Variants in CPOX observed in about 807,000 individuals in gnomAD.
The protein encoded by CPOX is oxygen-dependent coproporphyrinogen-III oxidase, mitochondrial.
In CPOX, 24 loss-of-function variants were observed where a neutral mutation model predicts 48.9. The observed-to-expected ratio is 0.49, with a 90% CI of 0.36 to 0.69. The LOEUF (loss-of-function observed/expected upper bound fraction) is 0.69. Ranked by LOEUF, CPOX falls within the 30% of genes least tolerant of loss-of-function variation. CPOX has a pLI of 0.00. For missense variants in CPOX, 549 were observed against 597.3 expected (o/e 0.92, Z 0.84); for synonymous variants, 249 against 234.6 (o/e 1.06, Z -0.56).
At chr3:98,577,676 C>T (rs958632684), downstream of CPOX, among the ~76,000 whole-genome samples, 1 of 152,164 alleles carries the variant, frequency 6.6e-6, no homozygotes, top group Non-Finnish European at 1.5e-5. Context: ...AGTGACACTA[C>T]ATAACCTCAG....
rs748004210 is a variant in CPOX at position 98,590,733 on chromosome 3, G to A, written c.710C>T (p.Pro237Leu). The A allele has an allele frequency of 1.4e-5, 23 of 1,612,270 alleles. No homozygotes were observed. The highest frequency in any genetic ancestry group is 2.7e-5 in the African/African-American group (2 of 74,860). ...KVLKTKDGKLPFCAMGVSSVI... is the reference protein window; with the variant it reads ...KVLKTKDGKLLFCAMGVSSVI... ...AGAGCTCACGCCCATAGCACAAAAT[G>A]GCAATTTACCTGGAAAGTAAAATAT... Residue 237 changes from proline to leucine, a missense_variant, in exon 3 of 7, where the codon CCA (proline) becomes CTA (leucine). Pro to Leu is a moderately conservative substitution (Grantham distance 98). Around this residue, in one of 2 missense-constraint regions of CPOX, gnomAD observed 213 missense variants for 279.1 expected, o/e 0.76. Transcript: ENST00000647941.
intron 1 of CPOX, among the ~76,000 whole-genome samples, chr3:98,592,299 T>C (rs1372472719): frequency 6.6e-6 from 1 of 152,204 alleles, no homozygotes; most frequent in Non-Finnish European, 1.5e-5. Context: ...GGGGTTTCAC[T>C]GTATGGGCAA....
At chr3:98,575,204 A>G (rs1707141918), downstream of CPOX, among the ~76,000 whole-genome samples, 1 of 152,246 alleles carries the variant, frequency 6.6e-6, no homozygotes, top group Non-Finnish European at 1.5e-5. Flanking sequence ...CCATCTCATA[A>G]GAAAACACAT....
In CPOX at chr3:98,579,780, T is replaced by G. The variant is rs1707216386; in HGVS notation, c.*903A>C. 1.0e-6 allele frequency: 1 copy of G among 984,842 alleles called. No individual in the cohort carries two copies. The highest frequency in any genetic ancestry group is 1.7e-5 in the African/African-American group (1 of 57,230). The allele number at this position is 984,842 out of a possible 1,614,324, so 61.0% of individuals were successfully genotyped here. On this transcript the variant is annotated 3_prime_UTR_variant, in exon 7 of 7. Coordinates refer to ENST00000647941, the MANE Select transcript of CPOX (RefSeq NM_000097.7). ...ACGTGTGTATGAAATGCCTCCAAGT[T>G]TCTCATACTATATATACTTGCTTTA...
rs72924722 is a variant in CPOX, at chr3:98,580,004, C to T, written c.*679G>A. On this transcript the variant is annotated 3_prime_UTR_variant, in exon 7 of 7. Transcript: ENST00000647941. The stretch of plus-strand genomic sequence containing the variant: ...CCAACATTAACAAACAATGGTTCCA[C>T]AAAAATCAAAATTACAACTTAGACA... 0.016 allele frequency: 15,892 copies of T among 984,934 alleles called. 277 individuals carry two copies. The highest frequency in any genetic ancestry group is 0.078 in the African/African-American group (4,456 of 57,268). The allele number at this position is 984,934 out of a possible 1,614,324, so 61.0% of individuals were successfully genotyped here.
the CPOX span, among the ~76,000 whole-genome samples, chr3:98,571,417 G>A: frequency 1.3e-5 from 2 of 152,018 alleles, no homozygotes; most frequent in South Asian, 4.1e-4. Flanking sequence ...GGCCGGGCGC[G>A]GTGGCTCACG....
intron 4 of CPOX, among the ~76,000 whole-genome samples, chr3:98,587,758 TAAA>T (rs1348754956): frequency 6.6e-6 from 1 of 151,950 alleles, no homozygotes; most frequent in Non-Finnish European, 1.5e-5. Context: ...GCATTTATAC[TAAA>T]AACTTCTTTT....
At chr3:98,580,920 C>A in intron 6 of CPOX, 150 bp from the exon 7 acceptor site, 1 of 913,834 alleles carries the variant, frequency 1.1e-6, no homozygotes, top group Non-Finnish European at 1.6e-6. Flanking sequence ...GTGCCTTGTA[C>A]CAACTTGACC....
intron 5 of CPOX, among the ~76,000 whole-genome samples, chr3:98,582,113 G>A (rs558414719): frequency 2.0e-5 from 3 of 152,196 alleles, no homozygotes; most frequent in East Asian, 1.9e-4. Flanking sequence ...ATAATAAAAG[G>A]TAGTGTTGAG....
intron 3 of CPOX, among the ~76,000 whole-genome samples, chr3:98,589,348 A>G (rs1286142106): frequency 1.3e-5 from 2 of 152,026 alleles, no homozygotes; most frequent in African/African-American, 2.4e-5. Context: ...AAACAAAACA[A>G]CAAGAAAAAA....
Position 98,593,589 on chromosome 3 carries a change from C to T in CPOX, c.-85G>A, listed in dbSNP as rs1242178518. 5.1e-6 allele frequency: 7 copies of T among 1,365,784 alleles called. No individual in the cohort carries two copies. The East Asian group carries it at 2.0e-4, about 39-fold the overall frequency. 84.6% of individuals were successfully genotyped at this position (1,365,784 alleles called of 1,614,324 possible). ...CACCCAGACCCCCGGAGTATTGAGCCGGCGAGCTGCACAGGCGGAAAGAAC... is the reference window on the plus strand; with the variant it reads ...CACCCAGACCCCCGGAGTATTGAGCTGGCGAGCTGCACAGGCGGAAAGAAC... On this transcript the variant is annotated 5_prime_UTR_variant, in exon 1 of 7. Transcript: ENST00000647941.
chr3:98,577,631 A>T (rs190238216), downstream of CPOX, among the ~76,000 whole-genome samples: 3 of 152,330 alleles, frequency 2.0e-5, no homozygotes, highest in Admixed American at 1.3e-4. Context: ...GTCCTTAATG[A>T]CAGACTTGTC....
chr3:98,576,379 G>C (rs2107106118), downstream of CPOX, among the ~76,000 whole-genome samples: 1 of 152,270 alleles, frequency 6.6e-6, no homozygotes, highest in South Asian at 2.1e-4. Context: ...CACGAGAACA[G>C]CACGGGGATG....
At chr3:98,577,831 A>G (rs1707184801), downstream of CPOX, among the ~76,000 whole-genome samples, 1 of 152,252 alleles carries the variant, frequency 6.6e-6, no homozygotes, top group Non-Finnish European at 1.5e-5. Context: ...TGCAAGTCAA[A>G]AACCTGCAGA....
downstream of CPOX, among the ~76,000 whole-genome samples, chr3:98,577,261 C>T (rs1306102752): frequency 1.3e-5 from 2 of 152,202 alleles, no homozygotes; most frequent in East Asian, 3.9e-4. Flanking sequence ...TGGTGGATTG[C>T]TTGAATGTCA....
At position 98,590,351 on chromosome 3, in the gene CPOX, G is replaced by A. The variant is rs533559421; in HGVS notation, c.811+281C>T. On this transcript the variant is annotated intron_variant, in intron 3 of 6. Transcript: ENST00000647941. ...TTTAGTAGAGAGGAGATTTCACCAT[G>A]TTGGCCAGGCTGGTCTCAAACTCCT... is the stretch of plus-strand genomic sequence containing the variant. 2.0e-5 allele frequency among the ~76,000 whole-genome samples: 3 copies of A among 152,330 alleles called. No individual in the cohort carries two copies. In the South Asian group the frequency reaches 6.2e-4, roughly 32 times the overall value.
chr3:98,572,573 A>T, the CPOX span, among the ~76,000 whole-genome samples: 1 of 152,126 alleles, frequency 6.6e-6, no homozygotes, highest in African/African-American at 2.4e-5. Flanking sequence ...TATTTTCTAA[A>T]TTTGTAGTTT....
In CPOX at chr3:98,593,130, G is replaced by C. The variant is rs758930568; in HGVS notation, c.375C>G (p.His125Gln). The change falls in exon 1 of 7, where the codon CAC becomes CAG. Residue 125 changes from histidine (H) to glutamine (Q), a missense_variant. Coordinates refer to ENST00000647941, the MANE Select transcript of CPOX (RefSeq NM_000097.7). ...GCGGGGCCATGAAGCTGCTGCAGCG[G>C]TGGGCCAGCTCATCCTCCTCCTCCT... ...RPEEEEDELA[H>Q]RCSSFMAPPV... 1.2e-6 allele frequency: 2 copies of C among 1,613,336 alleles called. No homozygotes were observed. Among genetic ancestry groups the C allele is most frequent in the Non-Finnish European group, 1.7e-6 (2 of 1,179,890 alleles).
chr3:98,574,248 T>A, the CPOX span, among the ~76,000 whole-genome samples: 936 of 152,320 alleles, frequency 6.1e-3, 8 homozygotes, highest in African/African-American at 0.02. Flanking sequence ...TAATGACATA[T>A]AAACAGCAAC....
Sources: allele counts gnomAD v4.1 joint callset (sites outside exome capture counted in the v4.1 genomes callset), GRCh38; gene constraint gnomAD v4.1.1; regional missense constraint gnomAD v4.1.1; transcripts MANE v1.5; gene names NCBI Gene and HGNC (gene_info 2026-07-23, HGNC 2026-07-21).